Variants in CNTN5 observed in about 807,000 individuals in gnomAD.
CNTN5 encodes the protein contactin 5.
In CNTN5, 77 loss-of-function variants were observed where a neutral mutation model predicts 129.1. The ratio of observed to expected loss-of-function variants is 0.60; its 90% CI spans 0.50 to 0.72. The LOEUF (loss-of-function observed/expected upper bound fraction) is 0.72, where lower values mean the gene tolerates loss of function less well. Among genes scored for constraint, CNTN5 ranks in the 30% least tolerant of loss-of-function variants. CNTN5 has a pLI of 0.00. For synonymous variants in CNTN5, 509 were observed against 465.6 expected (o/e 1.09, Z -1.20); for missense variants, 1,478 against 1,328.8 (o/e 1.11, Z -1.75).
intron 1 of CNTN5, among the ~76,000 whole-genome samples, chr11:99,293,657 A>G (rs1311122845): frequency 6.6e-6 from 1 of 152,028 alleles, no homozygotes; most frequent in African/African-American, 2.4e-5. Flanking sequence ...AAGGTTGTAT[A>G]TGTTCACAAA....
chr11:100,186,114 C>T (rs543033199), intron 13 of CNTN5, among the ~76,000 whole-genome samples: 6 of 152,130 alleles, frequency 3.9e-5, no homozygotes, highest in Non-Finnish European at 8.8e-5. Flanking sequence ...AATCCCAGCA[C>T]TTTGGGAGGC....
intron 3 of CNTN5, among the ~76,000 whole-genome samples, chr11:99,661,900 T>C (rs1347716102): frequency 6.6e-6 from 1 of 152,076 alleles, no homozygotes; most frequent in Non-Finnish European, 1.5e-5. Flanking sequence ...GTATTTTCAA[T>C]TTATGTAGAA....
intron 3 of CNTN5, among the ~76,000 whole-genome samples, chr11:99,755,730 T>C (rs2135248462): frequency 6.6e-6 from 1 of 152,224 alleles, no homozygotes; most frequent in Middle Eastern, 3.4e-3. Flanking sequence ...TGTTATAGTA[T>C]CTGTAATGGG....
At chr11:99,283,441 C>T (rs1454815300) in intron 1 of CNTN5, among the ~76,000 whole-genome samples, 1 of 151,968 alleles carries the variant, frequency 6.6e-6, no homozygotes, top group Non-Finnish European at 1.5e-5. Flanking sequence ...TTTTCCCCAT[C>T]TACGTATCTA....
At chr11:99,141,995 T>C (rs1859537579) in intron 1 of CNTN5, among the ~76,000 whole-genome samples, 1 of 152,222 alleles carries the variant, frequency 6.6e-6, no homozygotes, top group East Asian at 1.9e-4. Flanking sequence ...AGATGTCCTT[T>C]ATATTCTTCA....
intron 1 of CNTN5, among the ~76,000 whole-genome samples, chr11:99,192,244 A>G (rs967426919): frequency 6.6e-6 from 1 of 151,852 alleles, no homozygotes; most frequent in African/African-American, 2.4e-5. Flanking sequence ...ACTACTGTGA[A>G]TAGTTATATG....
intron 1 of CNTN5, among the ~76,000 whole-genome samples, chr11:99,063,698 CTTT>C (rs1281134716): frequency 6.6e-6 from 1 of 152,038 alleles, no homozygotes; most frequent in East Asian, 1.9e-4. Context: ...AGAAAATACT[CTTT>C]TAGACTACAG....
At chr11:99,678,858 A>G (rs971070170) in intron 3 of CNTN5, among the ~76,000 whole-genome samples, 2 of 151,852 alleles carry the variant, frequency 1.3e-5, no homozygotes, top group African/African-American at 2.4e-5. Flanking sequence ...TTAAAGGCAT[A>G]TAAACAACCA....
chr11:99,534,582 T>C (rs1001896249), intron 2 of CNTN5, among the ~76,000 whole-genome samples: 1 of 152,208 alleles, frequency 6.6e-6, no homozygotes, highest in Non-Finnish European at 1.5e-5. Context: ...CACACACTCA[T>C]ACAAAAATAC....
intron 1 of CNTN5, among the ~76,000 whole-genome samples, chr11:99,091,020 T>TAAA (rs1866225825): frequency 3.4e-5 from 1 of 29,558 alleles, no homozygotes; most frequent in Admixed American, 6.7e-4. Context: ...AGACTCCGTC[T>TAAA]CAAAAAAAAA....
intron 3 of CNTN5, among the ~76,000 whole-genome samples, chr11:99,576,234 T>G (rs1045429485): frequency 7.2e-5 from 11 of 152,192 alleles, no homozygotes; most frequent in Admixed American, 6.5e-4. Flanking sequence ...ATATTAGTAT[T>G]CTCAAAATGA....
At chr11:100,335,595 T>A (rs1480703466) in intron 21 of CNTN5, among the ~76,000 whole-genome samples, 1 of 151,920 alleles carries the variant, frequency 6.6e-6, no homozygotes, top group Non-Finnish European at 1.5e-5. Context: ...TGGTGAAACC[T>A]CGTCTCTATT....
chr11:99,407,016 C>T lies in CNTN5; in HGVS notation c.-71+81532C>T, dbSNP rs189494706. Among the ~76,000 whole-genome samples the T allele has an allele frequency of 2.3e-3, 350 of 152,024 alleles. 5 individuals are homozygous for T. The highest frequency in any genetic ancestry group is 8.3e-4 in the South Asian group (4 of 4,820). On this transcript the variant is annotated intron_variant, in intron 2 of 24. Coordinates refer to ENST00000524871, the MANE Select transcript of CNTN5 (RefSeq NM_014361.4). ...ATAGCCATGTCCTAGAATCGGGAAC[C>T]CCAAGAGCCTGTTTGGTGTTCTATC...
At chr11:99,526,179 TAATAATA>T (rs1240272244) in intron 2 of CNTN5, among the ~76,000 whole-genome samples, 1 of 152,198 alleles carries the variant, frequency 6.6e-6, no homozygotes, top group Non-Finnish European at 1.5e-5. Flanking sequence ...TAACTTGATC[TAATAATA>T]AAGAAGAGAA....
In CNTN5 at chr11:99,096,228, A is replaced by C. The variant is rs538657423; in HGVS notation, c.-210+74958A>C. ...AATAATTGGTTTTAGATACAAAGCT[A>C]TTAAAATTAGTAAAAATGCCTAATT... On this transcript the variant is annotated intron_variant, in intron 1 of 24. Coordinates refer to ENST00000524871, the MANE Select transcript of CNTN5 (RefSeq NM_014361.4). Among the ~76,000 whole-genome samples, 11 of 152,054 alleles carry C rather than the reference A, an allele frequency of 7.2e-5. No individual in the cohort carries two copies. In the East Asian group the frequency reaches 1.9e-3, roughly 27 times the overall value.
intron 1 of CNTN5, among the ~76,000 whole-genome samples, chr11:99,212,287 T>C (rs1473025992): frequency 6.6e-6 from 1 of 152,202 alleles, no homozygotes; most frequent in Non-Finnish European, 1.5e-5. Flanking sequence ...CATCCTAAGC[T>C]ATACCAATCT....
Position 99,406,559 on chromosome 11 carries a change from T to C in CNTN5, c.-71+81075T>C, listed in dbSNP as rs533483249. On this transcript the variant is annotated intron_variant, in intron 2 of 24. Transcript: ENST00000524871. ...CTTGCTGCAACTACTCCCTAACTAC[T>C]GCCTATGCTCATTCAAAGCCCTGGG... Among the ~76,000 whole-genome samples, 7 of 152,238 alleles carry C rather than the reference T, an allele frequency of 4.6e-5. No homozygotes were observed. The East Asian group carries it at 1.4e-3, about 30-fold the overall frequency.
At chr11:99,497,479 G>T (rs1339323857) in intron 2 of CNTN5, among the ~76,000 whole-genome samples, 1 of 151,990 alleles carries the variant, frequency 6.6e-6, no homozygotes, top group Non-Finnish European at 1.5e-5. Context: ...ACTTAGTAGT[G>T]GCAAAACCCA....
At chr11:99,691,937 G>A (rs988689315) in intron 3 of CNTN5, among the ~76,000 whole-genome samples, 8 of 152,080 alleles carry the variant, frequency 5.3e-5, no homozygotes, top group African/African-American at 1.9e-4. Flanking sequence ...CCTGTATTGG[G>A]TGCATATATA....
Sources: allele counts gnomAD v4.1 joint callset (sites outside exome capture counted in the v4.1 genomes callset), GRCh38; gene constraint gnomAD v4.1.1; transcripts MANE v1.5; gene names NCBI Gene and HGNC (gene_info 2026-07-23, HGNC 2026-07-21).